LHFPL3: variants seen among roughly 807,000 people sequenced by gnomAD.
LHFPL3 encodes the protein LHFPL tetraspan subfamily member 3 protein.
A neutral mutation model predicts 19.3 loss-of-function variants in LHFPL3; 5 were observed. That is an observed-to-expected ratio of 0.26 (90% confidence interval 0.14 to 0.54). The LOEUF is 0.54. LHFPL3 is among the 20% of genes least tolerant of loss of function. The probability of loss-of-function intolerance (pLI) is 0.94; values close to 1 mark genes in which losing one functional copy is unlikely to be tolerated. For missense variants in LHFPL3, 249 were observed against 307.4 expected (o/e 0.81, Z 1.42); for synonymous variants, 133 against 126.2 (o/e 1.05, Z -0.36).
In LHFPL3 at chr7:104,671,252, T is replaced by G. The variant is rs116020471; in HGVS notation, c.446-65423T>G. On this transcript the variant is annotated intron_variant, in intron 1 of 2. Transcript: ENST00000424859. ...GAAGATTGAAAGGTGTTTTTTTTCT[T>G]TTTTAAAAAAGAAAAAAAAACTATT... 7.3e-3 allele frequency among the ~76,000 whole-genome samples: 1,106 copies of G among 152,090 alleles called. 12 individuals carry two copies. The highest frequency in any genetic ancestry group is 0.025 in the African/African-American group (1,018 of 41,512).
rs71153196 is a variant in LHFPL3 at position 104,424,983 on chromosome 7, T to TAA, written c.445+95780_445+95781dup. Among the ~76,000 whole-genome samples, 568 of 65,060 alleles carry TAA rather than the reference T, an allele frequency of 8.7e-3. 24 individuals carry two copies. Among genetic ancestry groups the TAA allele is most frequent in the African/African-American group, 0.034 (515 of 15,238 alleles). The allele number at this position is 65,060 out of a possible 152,430, so 42.7% of individuals were successfully genotyped here. On this transcript the variant is annotated intron_variant, in intron 1 of 2. Coordinates refer to ENST00000424859, the MANE Select transcript of LHFPL3 (RefSeq NM_199000.3). ...GGCGACAGAGTGAGACTCCATCTCA[T>TAA]AAAAAAAAAAAAAAAAAAAAAAGAA...
intron 1 of LHFPL3, among the ~76,000 whole-genome samples, chr7:104,560,597 G>T (rs549442899): frequency 6.2e-4 from 94 of 151,814 alleles, no homozygotes; most frequent in East Asian, 4.1e-3. Context: ...CTTGCTAGCG[G>T]TCTATCAATT....
intron 1 of LHFPL3, among the ~76,000 whole-genome samples, chr7:104,570,960 G>T (rs1584409616): frequency 6.6e-6 from 1 of 151,998 alleles, no homozygotes; most frequent in African/African-American, 2.4e-5. Context: ...TTATTATTTT[G>T]TAAAGACTCA....
intron 1 of LHFPL3, among the ~76,000 whole-genome samples, chr7:104,520,304 A>T (rs1305061096): frequency 1.3e-5 from 2 of 149,214 alleles, no homozygotes; most frequent in African/African-American, 5.0e-5. Flanking sequence ...AGCCCACTTG[A>T]TCATGGTGGA....
chr7:104,383,162 A>T (rs138906020), intron 1 of LHFPL3, among the ~76,000 whole-genome samples: 73 of 152,332 alleles, frequency 4.8e-4, no homozygotes, highest in African/African-American at 1.5e-3. Context: ...TAGTCATTTA[A>T]TTCCTGTGCC....
chr7:104,481,627 C>T (rs1000998293), intron 1 of LHFPL3, among the ~76,000 whole-genome samples: 3 of 152,130 alleles, frequency 2.0e-5, no homozygotes, highest in Non-Finnish European at 2.9e-5. Flanking sequence ...TCATCTGTCT[C>T]GGTGCTCGGT....
intron 1 of LHFPL3, among the ~76,000 whole-genome samples, chr7:104,666,177 A>C (rs1231536374): frequency 6.6e-6 from 1 of 152,164 alleles, no homozygotes; most frequent in Non-Finnish European, 1.5e-5. Flanking sequence ...GTGTTGGGGA[A>C]CATTTCAGTT....
At chr7:104,527,357 C>A (rs1794207513) in intron 1 of LHFPL3, among the ~76,000 whole-genome samples, 1 of 152,048 alleles carries the variant, frequency 6.6e-6, no homozygotes. Flanking sequence ...GATGATGTGG[C>A]CCAAGTAGGA....
chr7:104,601,249 A>T (rs1420337657), intron 1 of LHFPL3, among the ~76,000 whole-genome samples: 2 of 152,122 alleles, frequency 1.3e-5, no homozygotes, highest in Non-Finnish European at 2.9e-5. Flanking sequence ...TTCAGGAGAG[A>T]TGATAGTTTA....
At chr7:104,496,411 A>C (rs1011908514) in intron 1 of LHFPL3, among the ~76,000 whole-genome samples, 14 of 152,148 alleles carry the variant, frequency 9.2e-5, no homozygotes, top group Non-Finnish European at 1.9e-4. Context: ...GCTATTCTGA[A>C]TAGTGCTGCA....
intron 1 of LHFPL3, among the ~76,000 whole-genome samples, chr7:104,380,091 A>T (rs560331427): frequency 7.8e-4 from 119 of 152,308 alleles, no homozygotes; most frequent in African/African-American, 2.8e-3. Context: ...TTGTCTTTCT[A>T]TTATGACTCC....
At chr7:104,590,554 A>T (rs1484448079) in intron 1 of LHFPL3, among the ~76,000 whole-genome samples, 1 of 152,114 alleles carries the variant, frequency 6.6e-6, no homozygotes, top group East Asian at 1.9e-4. Context: ...GTTTTGGAAT[A>T]AGTGTGATGT....
At chr7:104,421,725 G>C (rs755505339) in intron 1 of LHFPL3, among the ~76,000 whole-genome samples, 1 of 152,156 alleles carries the variant, frequency 6.6e-6, no homozygotes, top group Non-Finnish European at 1.5e-5. Context: ...TATGGAGGAA[G>C]AAGAAATAGA....
At chr7:104,402,945 C>G (rs915049577) in intron 1 of LHFPL3, among the ~76,000 whole-genome samples, 2 of 152,134 alleles carry the variant, frequency 1.3e-5, no homozygotes, top group African/African-American at 2.4e-5. Context: ...TCTCAGCAAA[C>G]TAGCACAGGA....
At chr7:104,892,801 A>G (rs939220281) in intron 2 of LHFPL3, among the ~76,000 whole-genome samples, 1 of 151,958 alleles carries the variant, frequency 6.6e-6, no homozygotes, top group East Asian at 1.9e-4. Flanking sequence ...TTCTATGTAC[A>G]TATAAACATA....
chr7:104,656,881 C>T (rs545184596), intron 1 of LHFPL3, among the ~76,000 whole-genome samples: 9 of 152,194 alleles, frequency 5.9e-5, no homozygotes, highest in Admixed American at 4.6e-4. Context: ...AAAGAAAGAT[C>T]GTGGTGTATA....
intron 1 of LHFPL3, among the ~76,000 whole-genome samples, chr7:104,354,216 C>G (rs1790229931): frequency 6.6e-6 from 1 of 152,242 alleles, no homozygotes; most frequent in Admixed American, 6.5e-5. Flanking sequence ...GTATGCACCT[C>G]TGGCTCGTTA....
chr7:104,441,027 TGTGA>T (rs1208590321), intron 1 of LHFPL3, among the ~76,000 whole-genome samples: 3 of 152,180 alleles, frequency 2.0e-5, no homozygotes, highest in South Asian at 2.1e-4. Context: ...TTTCTGTGTG[TGTGA>T]GTGTGTGGTA....
At chr7:104,791,015 A>G (rs936438003) in intron 2 of LHFPL3, among the ~76,000 whole-genome samples, 2 of 152,254 alleles carry the variant, frequency 1.3e-5, no homozygotes, top group African/African-American at 4.8e-5. Flanking sequence ...GAGATCTTCC[A>G]CAAACTTTAG....
Sources: gnomAD v4.1 joint callset for allele counts (sites outside exome capture counted in the v4.1 genomes callset) on GRCh38, gnomAD v4.1.1 for gene constraint, MANE v1.5 for transcripts, NCBI Gene and HGNC (gene_info 2026-07-23, HGNC 2026-07-21) for gene names.